The following KSR2 variants were observed in gnomAD, a reference collection of about 807,000 sequenced individuals.
KSR2 encodes the protein kinase suppressor of ras 2.
In KSR2, 25 loss-of-function variants were observed where a neutral mutation model predicts 107.8. That is an observed-to-expected ratio of 0.23 (90% CI 0.17 to 0.32). KSR2 has a LOEUF of 0.32. Among genes scored for constraint, KSR2 ranks in the 10% least tolerant of loss-of-function variants. KSR2 has a pLI of 1.00. For missense variants in KSR2, 887 were observed against 1,268.9 expected, an observed-to-expected ratio of 0.70 and a Z score of 4.57; for synonymous variants, 480 against 507.0, an observed-to-expected ratio of 0.95 and a Z score of 0.71.
intron 3 of KSR2, among the ~76,000 whole-genome samples, chr12:117,847,095 G>A (rs911784373): frequency 3.9e-5 from 6 of 152,242 alleles, no homozygotes; most frequent in African/African-American, 1.2e-4. Flanking sequence ...GGCTGGAGAA[G>A]TTACAGGGGA....
At chr12:117,600,056 C>T (rs10850853) in intron 5 of KSR2, among the ~76,000 whole-genome samples, 52,090 of 151,906 alleles carry the variant, frequency 0.34, 10,049 homozygotes, top group African/African-American at 0.52. Flanking sequence ...GACCAGCAAG[C>T]TCTCAGAGCA....
intron 5 of KSR2, among the ~76,000 whole-genome samples, chr12:117,605,118 G>A (rs915572868): frequency 2.0e-5 from 3 of 152,138 alleles, no homozygotes; most frequent in Non-Finnish European, 4.4e-5. Context: ...TGAATTCACT[G>A]GGCTCTCAGG....
intron 5 of KSR2, among the ~76,000 whole-genome samples, chr12:117,590,968 G>T (rs1880279075): frequency 6.6e-6 from 1 of 152,112 alleles, no homozygotes; most frequent in Non-Finnish European, 1.5e-5. Context: ...TACACAAATG[G>T]TCTGTAGTCT....
intron 4 of KSR2, among the ~76,000 whole-genome samples, chr12:117,723,714 T>C (rs1371259363): frequency 6.6e-6 from 1 of 152,122 alleles, no homozygotes; most frequent in African/African-American, 2.4e-5. Context: ...ACTGTGGTTA[T>C]GTAAGATACT....
intron 3 of KSR2, among the ~76,000 whole-genome samples, chr12:117,840,981 G>A (rs4328289): frequency 0.28 from 41,146 of 147,466 alleles, 8,659 homozygotes; most frequent in African/African-American, 0.6. Flanking sequence ...TAGCCGGGGC[G>A]ACAGAGTGAT....
chr12:117,938,560 TAATAAATAAATA>T, intron 1 of KSR2, among the ~76,000 whole-genome samples: 1 of 147,642 alleles, frequency 6.8e-6, no homozygotes, highest in South Asian at 2.1e-4. Context: ...AGTATAATAA[TAATAAATAAATA>T]AATAAATAAA....
intron 5 of KSR2, among the ~76,000 whole-genome samples, chr12:117,649,888 C>T (rs1014139543): frequency 2.6e-5 from 4 of 152,200 alleles, no homozygotes; most frequent in African/African-American, 9.7e-5. Context: ...TAATTCAGGT[C>T]ATGAACTGAT....
chr12:117,792,880 C>T (rs971895117), intron 3 of KSR2, among the ~76,000 whole-genome samples: 3 of 152,096 alleles, frequency 2.0e-5, no homozygotes, highest in Non-Finnish European at 4.4e-5. Flanking sequence ...CCAACATGCA[C>T]ACACACACAA....
intron 5 of KSR2, among the ~76,000 whole-genome samples, chr12:117,626,049 T>C (rs1010775484): frequency 1.3e-5 from 2 of 152,210 alleles, no homozygotes; most frequent in Admixed American, 6.5e-5. Flanking sequence ...GGTGGTGATA[T>C]CCCCTTTATC....
intron 5 of KSR2, among the ~76,000 whole-genome samples, chr12:117,614,532 T>C (rs1383328346): frequency 6.6e-6 from 1 of 152,198 alleles, no homozygotes; most frequent in African/African-American, 2.4e-5. Context: ...GTTCATTAGC[T>C]GATAAAATGT....
chr12:117,769,441 G>A (rs1889357821), intron 3 of KSR2, among the ~76,000 whole-genome samples: 1 of 152,178 alleles, frequency 6.6e-6, no homozygotes, highest in East Asian at 1.9e-4. Context: ...TTTCTGAACT[G>A]AAAGAACAAG....
intron 5 of KSR2, among the ~76,000 whole-genome samples, chr12:117,620,002 G>C (rs1274503509): frequency 6.6e-6 from 1 of 152,002 alleles, no homozygotes; most frequent in Non-Finnish European, 1.5e-5. Context: ...CCATATATTT[G>C]CCTTTGCTGG....
intron 3 of KSR2, among the ~76,000 whole-genome samples, chr12:117,762,984 C>T (rs1889099217): frequency 6.6e-6 from 1 of 151,946 alleles, no homozygotes; most frequent in Non-Finnish European, 1.5e-5. Context: ...TGGTGTGCTG[C>T]ACTCATTAAC....
At chr12:117,850,361 A>C (rs1237677585) in intron 3 of KSR2, among the ~76,000 whole-genome samples, 1 of 152,240 alleles carries the variant, frequency 6.6e-6, no homozygotes, top group Non-Finnish European at 1.5e-5. Context: ...GGGATTCACC[A>C]GAAGGACAAA....
chr12:117,813,383 C>T (rs1054727018), intron 3 of KSR2, among the ~76,000 whole-genome samples: 9 of 152,122 alleles, frequency 5.9e-5, no homozygotes, highest in Non-Finnish European at 1.2e-4. Context: ...TGCCAATTAT[C>T]TATCTTACAC....
intron 4 of KSR2, among the ~76,000 whole-genome samples, chr12:117,720,671 C>G (rs954327224): frequency 2.0e-5 from 3 of 152,208 alleles, no homozygotes; most frequent in Non-Finnish European, 4.4e-5. Context: ...GCTTATTACA[C>G]AGATGAACGT....
chr12:117,932,223 G>T (rs1268422888), intron 1 of KSR2, among the ~76,000 whole-genome samples: 1 of 152,158 alleles, frequency 6.6e-6, no homozygotes, highest in Non-Finnish European at 1.5e-5. Flanking sequence ...GGAGGCAGAG[G>T]TTGCATTGAG....
At chr12:117,492,882 C>A (rs1485331220) in intron 14 of KSR2, among the ~76,000 whole-genome samples, 1 of 152,142 alleles carries the variant, frequency 6.6e-6, no homozygotes, top group East Asian at 1.9e-4. Flanking sequence ...CCAAGGAATG[C>A]AGGCAGCCTC....
At chr12:117,776,975 G>T (rs1274263454) in intron 3 of KSR2, among the ~76,000 whole-genome samples, 1 of 151,398 alleles carries the variant, frequency 6.6e-6, no homozygotes, top group Non-Finnish European at 1.5e-5. Context: ...GACTAGGAGA[G>T]ATATGTGGTT....
Sources: allele counts gnomAD v4.1 joint callset (sites outside exome capture counted in the v4.1 genomes callset), GRCh38; gene constraint gnomAD v4.1.1; transcripts MANE v1.5; gene names NCBI Gene and HGNC (gene_info 2026-07-23, HGNC 2026-07-21).